YY1AP1: variants seen among roughly 807,000 people sequenced by gnomAD.
YY1AP1 encodes the protein YY1 associated protein 1.
Under a neutral mutation model 39.9 loss-of-function variants are expected in YY1AP1, and 43 were observed. That is an observed-to-expected ratio of 1.08 (90% CI 0.84 to 1.39). The LOEUF is 1.39. YY1AP1 is among the 40% of genes most tolerant of loss of function. The probability of loss-of-function intolerance (pLI) is 0.00; values close to 1 mark genes in which losing one functional copy is unlikely to be tolerated. For missense variants in YY1AP1, 813 were observed against 900.7 expected (o/e 0.90, Z 1.25); for synonymous variants, 292 against 331.3 (o/e 0.88, Z 1.29).
intron 2 of YY1AP1, among the ~76,000 whole-genome samples, chr1:155,684,838 G>A (rs1397738879): frequency 6.6e-6 from 1 of 151,964 alleles, no homozygotes; most frequent in Non-Finnish European, 1.5e-5. Flanking sequence ...CATCCGCCTC[G>A]TCCTCCCAAA....
intron 9 of YY1AP1, among the ~76,000 whole-genome samples, chr1:155,667,918 A>G (rs1216223269): frequency 6.6e-6 from 1 of 151,616 alleles, no homozygotes; most frequent in Admixed American, 6.6e-5. Flanking sequence ...ATACATACAT[A>G]CATACATACA....
intron 2 of YY1AP1, among the ~76,000 whole-genome samples, chr1:155,681,578 G>T (rs1193837459): frequency 1.3e-5 from 2 of 151,096 alleles, no homozygotes; most frequent in Non-Finnish European, 2.9e-5. Flanking sequence ...GACAGAGCAA[G>T]ACACTGTCTC....
In YY1AP1 at chr1:155,659,674, T is replaced by C. The variant is rs749970690; in HGVS notation, c.2236A>G (p.Ile746Val). 5.0e-6 allele frequency: 8 copies of C among 1,614,070 alleles called. No homozygotes were observed. Among genetic ancestry groups the C allele is most frequent in the Non-Finnish European group, 6.8e-6 (8 of 1,180,034 alleles). ...CTCCTAGCTCAAAGAAATCCACTGATTTCCTCTGTAGCATCTTCAGGTTCC... is the reference window on the plus strand; with the variant it reads ...CTCCTAGCTCAAAGAAATCCACTGACTTCCTCTGTAGCATCTTCAGGTTCC... ...KMEPEDATEEISGFL is the reference protein window; with the variant it reads ...KMEPEDATEEVSGFL The change falls in exon 11 of 11, where the codon ATC becomes GTC. Residue 746 changes from isoleucine (I) to valine (V), a missense_variant. By Grantham distance (29) the Ile-to-Val change is conservative. Transcript: ENST00000355499.
At chr1:155,683,736 T>C (rs1651838083) in intron 2 of YY1AP1, among the ~76,000 whole-genome samples, 2 of 149,168 alleles carry the variant, frequency 1.3e-5, no homozygotes, top group Non-Finnish European at 3.0e-5. Context: ...AGAACTGTCA[T>C]AACCACCCCA....
At chr1:155,681,649 T>C (rs940670458) in intron 2 of YY1AP1, among the ~76,000 whole-genome samples, 8 of 152,060 alleles carry the variant, frequency 5.3e-5, no homozygotes, top group Non-Finnish European at 8.8e-5. Context: ...ACTCTATCTT[T>C]GGACCCGACC....
At chr1:155,668,352 GAA>G (rs1463251977) in intron 9 of YY1AP1, among the ~76,000 whole-genome samples, 2 of 152,094 alleles carry the variant, frequency 1.3e-5, no homozygotes, top group Non-Finnish European at 2.9e-5. Context: ...CATGTAAGTG[GAA>G]TACTGCATAT....
At chr1:155,681,941 T>A (rs1651581526) in intron 2 of YY1AP1, among the ~76,000 whole-genome samples, 1 of 149,566 alleles carries the variant, frequency 6.7e-6, no homozygotes, top group Admixed American at 6.7e-5. Flanking sequence ...CACCTCATCC[T>A]CCCAAAGTGC....
At chr1:155,667,937 GACACAGACACACACAAACACACACAC>G (rs1462657029) in intron 9 of YY1AP1, among the ~76,000 whole-genome samples, 2 of 142,668 alleles carry the variant, frequency 1.4e-5, no homozygotes, top group Non-Finnish European at 3.1e-5. Flanking sequence ...CATACATACA[GACACAGACACACACAAACACACACAC>G]ACACACACAC....
intron 1 of YY1AP1, 134 bp from the exon 2 acceptor site, chr1:155,688,335 G>A (rs1350134587): frequency 1.3e-6 from 2 of 1,551,106 alleles, no homozygotes; most frequent in Non-Finnish European, 1.7e-6. Flanking sequence ...CGGCAGCGGC[G>A]GCAGCAGAGT....
In YY1AP1 at chr1:155,668,643, G is replaced by A. The variant is rs766981144; in HGVS notation, c.863C>T (p.Pro288Leu). 4.3e-6 allele frequency: 7 copies of A among 1,614,148 alleles called. 1 individual carries two copies. In the South Asian group the frequency reaches 7.7e-5, roughly 18 times the overall value. Residue 288 changes from proline (P) to leucine (L), a missense_variant, in exon 9 of 11, where the codon CCT becomes CTT. Pro to Leu is a moderately conservative substitution (Grantham distance 98). Transcript: ENST00000355499. ...AACACTCACTTTAATGATGTTGTCA[G>A]GAGCTCTGTTCATGTTGAGGTTCTT... ...RIKNLNMNRA[P>L]DNIIKFYKKT...
chr1:155,683,465 G>A (rs1467503257), intron 2 of YY1AP1, among the ~76,000 whole-genome samples: 5 of 152,004 alleles, frequency 3.3e-5, no homozygotes, highest in Non-Finnish European at 5.9e-5. Context: ...CTTGGCTACT[G>A]GCTAACATGG....
Position 155,659,864 on chromosome 1 carries a change from T to A in YY1AP1, c.2046A>T (p.Pro682=), listed in dbSNP as rs892761831. 1 of 1,614,190 alleles carries A rather than the reference T, an allele frequency of 6.2e-7. No individual in the cohort carries two copies. Residue 682 remains proline, a synonymous_variant, in exon 11 of 11, where the codon CCA becomes CCT. Coordinates refer to ENST00000355499, the MANE Select transcript of YY1AP1 (RefSeq NM_139119.3). ...FPKVEHSPGP[P]PVDKQCQEGL... is the part of the protein sequence containing the mutation. The stretch of plus-strand genomic sequence containing the variant: ...CTTCTTGGCACTGTTTATCGACTGG[T>A]GGAGGCCCTGGGCTATGTTCCACTT...
rs1433285083 is a variant in YY1AP1, at chr1:155,688,176, C to A, written c.-126G>T. ...TCCACCGCGGATCCCTCCCGCTTGT[C>A]AGGAGGCGGCCAGCGGGTAAGCCGA... On this transcript the variant is annotated 5_prime_UTR_variant, in exon 2 of 11. Coordinates refer to ENST00000355499, the MANE Select transcript of YY1AP1 (RefSeq NM_139119.3). The A allele has an allele frequency of 6.2e-7, 1 of 1,614,002 alleles. No homozygotes were observed. The highest frequency in any genetic ancestry group is 1.3e-5 in the African/African-American group (1 of 75,064).
intron 7 of YY1AP1, among the ~76,000 whole-genome samples, chr1:155,671,783 C>T (rs2149045766): frequency 6.6e-6 from 1 of 152,214 alleles, no homozygotes; most frequent in Middle Eastern, 3.4e-3. Context: ...GTTTTCATTA[C>T]CATTTCATAT....
intron 9 of YY1AP1, among the ~76,000 whole-genome samples, chr1:155,665,928 C>G (rs568516646): frequency 6.6e-6 from 1 of 151,642 alleles, no homozygotes; most frequent in East Asian, 1.9e-4. Flanking sequence ...AGTGCAGCAA[C>G]ATGGAGAGCA....
At chr1:155,686,432 C>T (rs994475046) in intron 2 of YY1AP1, among the ~76,000 whole-genome samples, 1 of 152,088 alleles carries the variant, frequency 6.6e-6, no homozygotes, top group African/African-American at 2.4e-5. Flanking sequence ...TTAACAATTA[C>T]CAGTACCCAA....
In YY1AP1 at chr1:155,661,438, A is replaced by G; in HGVS notation, c.880-15T>C. 1 of 1,613,770 alleles carries G rather than the reference A, an allele frequency of 6.2e-7. No homozygotes were observed. Among genetic ancestry groups the G allele is most frequent in the Admixed American group, 1.7e-5 (1 of 59,988 alleles). ...TTCTTATAAAACTTAACATGAAAAA[A>G]ATGCGCATGAATTACATTCCTTCTG... On this transcript the variant is annotated splice_polypyrimidine_tract_variant and intron_variant, in intron 9 of 10. Transcript: ENST00000355499.
chr1:155,681,753 C>A (rs527920627), intron 2 of YY1AP1, among the ~76,000 whole-genome samples: 1 of 152,102 alleles, frequency 6.6e-6, no homozygotes, highest in South Asian at 2.1e-4. Flanking sequence ...AAGGGACTGC[C>A]AATCCAATTG....
rs993937380 is a variant in YY1AP1, at chr1:155,662,845, C to CA, written c.880-1423dup. ...GCGAAACCCTGTCTCTAATAAAGTA[C>CA]AAAAAAAAATTAGCTGGGTGTGGTG... On this transcript the variant is annotated intron_variant, in intron 9 of 10. Transcript: ENST00000355499. Among the ~76,000 whole-genome samples the CA allele has an allele frequency of 4.7e-5, 7 of 148,678 alleles. No homozygotes were observed. The East Asian group carries it at 1.0e-3, about 22-fold the overall frequency.
Sources: gnomAD v4.1 joint callset for allele counts (sites outside exome capture counted in the v4.1 genomes callset) on GRCh38, gnomAD v4.1.1 for gene constraint, MANE v1.5 for transcripts, NCBI Gene and HGNC (gene_info 2026-07-23, HGNC 2026-07-21) for gene names.